Variants in KCNS1 observed in about 807,000 individuals in gnomAD.
KCNS1 encodes potassium voltage-gated channel modifier subfamily S member 1.
In KCNS1, 26 loss-of-function variants were observed where a neutral mutation model predicts 33.1. The ratio of observed to expected loss-of-function variants is 0.79; its 90% confidence interval spans 0.58 to 1.09. The LOEUF (loss-of-function observed/expected upper bound fraction) is 1.09, where lower values mean the gene tolerates loss of function less well. Among genes scored for constraint, KCNS1 ranks in the 50% least tolerant of loss-of-function variants. The pLI, the probability that KCNS1 is intolerant of heterozygous loss-of-function variation, is 0.00. For synonymous variants in KCNS1, 299 were observed against 338.8 expected (o/e 0.88, Z 1.29); for missense variants, 702 against 752.4 (o/e 0.93, Z 0.78).
intron 1 of KCNS1, 114 bp downstream of exon 1, chr20:45,100,806 TG>T (rs34564002): frequency 2.0e-5 from 3 of 153,246 alleles, no homozygotes; most frequent in Non-Finnish European, 4.3e-5. Flanking sequence ...TGGCGGGGGG[TG>T]GGGGGTCTCT....
Position 45,095,271 on chromosome 20 carries a change from C to T in KCNS1, c.1180G>A (p.Ala394Thr), listed in dbSNP as rs1981148613. The change falls in exon 4 of 4, where the codon GCC (alanine) becomes ACC (threonine). Residue 394 changes from alanine to threonine, a missense_variant. Physicochemically the swap from Ala to Thr is moderately conservative, Grantham distance 58 (BLOSUM62 0). Transcript: ENST00000537075. ...AVGVSVFSGV[A>T]YTAEKEEDVG... is the part of the protein sequence containing the mutation. ...TCCTCCTCCTTTTCAGCTGTGTAGG[C>T]CACACCAGAGAACACTGACACACCC... 1.2e-6 allele frequency: 2 copies of T among 1,613,914 alleles called. No individual in the cohort carries two copies. The highest frequency in any genetic ancestry group is 1.3e-5 in the African/African-American group (1 of 74,890).
intron 3 of KCNS1, 41 bp downstream of exon 3, chr20:45,097,621 A>C (rs1269149413): frequency 6.4e-7 from 1 of 1,551,586 alleles, no homozygotes; most frequent in Non-Finnish European, 8.7e-7. Context: ...GGATGGCTAC[A>C]CCCGCCCACC....
chr20:45,097,735 A>G lies in KCNS1; in HGVS notation c.1037T>C (p.Leu346Pro), dbSNP rs1303444678. The stretch of plus-strand genomic sequence containing the variant: ...CTTGAGTACGCGGAAGATGCGCATG[A>G]GGCGGAACACCTGCACCACCTTGCC... ...HLGKVVQVFR[L>P]MRIFRVLKLA... The change falls in exon 3 of 4, where the codon CTC (leucine) becomes CCC (proline). Residue 346 changes from leucine to proline, a missense_variant. By Grantham distance (98) the Leu-to-Pro change is moderately conservative. This residue lies in a region of KCNS1 where 253 missense variants were observed against 327.4 expected (regional missense o/e 0.77). Coordinates refer to ENST00000537075, the MANE Select transcript of KCNS1 (RefSeq NM_001322799.2). The G allele has an allele frequency of 6.2e-7, 1 of 1,612,574 alleles. No homozygotes were observed. Among genetic ancestry groups the G allele is most frequent in the Non-Finnish European group, 8.5e-7 (1 of 1,179,964 alleles).
rs1981084264 is a variant in KCNS1, at chr20:45,093,888, C to G, written c.*982G>C. The G allele has an allele frequency of 6.6e-6, 1 of 152,194 alleles. No individual in the cohort carries two copies. Among genetic ancestry groups the G allele is most frequent in the Non-Finnish European group, 1.5e-5 (1 of 68,064 alleles). The allele number at this position is 152,194 out of a possible 1,614,324, so 9.4% of individuals were successfully genotyped here. ...GCCCTCTGAACATTTCAGAGCTGAG[C>G]TGGCTTTAAGTTAGAGACCCCTCTG... On this transcript the variant is annotated 3_prime_UTR_variant, in exon 4 of 4. Coordinates refer to ENST00000537075, the MANE Select transcript of KCNS1 (RefSeq NM_001322799.2).
chr20:45,095,384 CAGTCCTGGTATT>C lies in KCNS1; in HGVS notation c.1111-56_1111-45del, dbSNP rs779284729. 15 of 1,544,984 alleles carry C rather than the reference CAGTCCTGGTATT, an allele frequency of 9.7e-6. No individual in the cohort carries two copies. In the African/African-American group the frequency reaches 1.9e-4, roughly 20 times the overall value. On this transcript the variant is annotated intron_variant, in intron 3 of 3. Coordinates refer to ENST00000537075, the MANE Select transcript of KCNS1 (RefSeq NM_001322799.2). ...AGCCAAGTCAGAGTGGATGGGCTTACAGTCCTGGTATTAGGCATATGGGGAAACTGAGGCCCA... is the reference window on the plus strand; with the variant it reads ...AGCCAAGTCAGAGTGGATGGGCTTACAGGCATATGGGGAAACTGAGGCCCA...
intron 3 of KCNS1, among the ~76,000 whole-genome samples, chr20:45,096,091 A>G (rs1254958432): frequency 6.6e-6 from 1 of 152,198 alleles, no homozygotes; most frequent in Non-Finnish European, 1.5e-5. Flanking sequence ...GAGAACCCCT[A>G]GTCTAAAGCA....
Position 45,097,644 on chromosome 20 carries a change from T to C in KCNS1, c.1110+18A>G, listed in dbSNP as rs1600600483. On this transcript the variant is annotated intron_variant, in intron 3 of 3. Transcript: ENST00000537075. Reference sequence around the variant, plus strand: ...ACACCCGCCCACCCCAGCTCCAACCTGGCCTCAGAGGCCGTACCTTGAGCG... The same window carrying C: ...ACACCCGCCCACCCCAGCTCCAACCCGGCCTCAGAGGCCGTACCTTGAGCG... The C allele has an allele frequency of 6.3e-7, 1 of 1,589,774 alleles. No homozygotes were observed. Among genetic ancestry groups the C allele is most frequent in the Non-Finnish European group, 8.5e-7 (1 of 1,172,498 alleles).
At chr20:45,099,118 T>G (rs746602021) in intron 2 of KCNS1, 43 bp downstream of exon 2, 5 of 1,548,572 alleles carry the variant, frequency 3.2e-6, no homozygotes, top group Middle Eastern at 2.0e-4. Context: ...CCGCCAGCCC[T>G]CTGAACCTGT....
rs1981315993 is a variant in KCNS1 at position 45,099,166 on chromosome 20, A to G, written c.71T>C (p.Leu24Pro). 6.4e-7 allele frequency: 1 copy of G among 1,551,304 alleles called. No individual in the cohort carries two copies. Among genetic ancestry groups the G allele is most frequent in the East Asian group, 2.4e-5 (1 of 40,916 alleles). ...ATGAGGATAGTAACACTTACCTCCTAGGGGTGTTGGCAGCACCACTTTAGA... is the reference window on the plus strand; with the variant it reads ...ATGAGGATAGTAACACTTACCTCCTGGGGGTGTTGGCAGCACCACTTTAGA... ...LRSKVVLPTP[L>P]GGRSTETFVS... Residue 24 changes from leucine (L) to proline (P), a missense_variant, in exon 2 of 4, where the codon CTA becomes CCA. Physicochemically the swap from Leu to Pro is moderately conservative, Grantham distance 98. Transcript: ENST00000537075.
rs979119191 is a variant in KCNS1, at chr20:45,098,074, G to C, written c.698C>G (p.Ser233Cys). 1 of 1,556,654 alleles carries C rather than the reference G, an allele frequency of 6.4e-7. No homozygotes were observed. The highest frequency in any genetic ancestry group is 1.4e-5 in the African/African-American group (1 of 72,718). The change falls in exon 3 of 4, where the codon TCC (serine) becomes TGC (cysteine). Residue 233 changes from serine (S) to cysteine (C), a missense_variant. Ser to Cys is a moderately radical substitution (Grantham distance 112, BLOSUM62 -1). Coordinates refer to ENST00000537075, the MANE Select transcript of KCNS1 (RefSeq NM_001322799.2). This position sits in a 1 kb window ranked among gnomAD's most constrained non-coding sequence, Gnocchi z 5.2. ...SCVSISVVLA[S>C]IAAMCIHSLP... ...GCTGTGGATGCACATGGCGGCGATG[G>C]AGGCGAGCACCACGCTGATGGAGAC...
chr20:45,097,037 C>T (rs551516677), intron 3 of KCNS1, among the ~76,000 whole-genome samples: 1 of 152,372 alleles, frequency 6.6e-6, no homozygotes, highest in Non-Finnish European at 1.5e-5. Context: ...GCACCTGGCA[C>T]AAGGAGGATG....
rs1211122785 is a variant in KCNS1, at chr20:45,093,811, C to T, written c.*1059G>A. On this transcript the variant is annotated 3_prime_UTR_variant, in exon 4 of 4. Coordinates refer to ENST00000537075, the MANE Select transcript of KCNS1 (RefSeq NM_001322799.2). ...TGTGTGATGGGCAGAAAGGAACTGC[C>T]AAGGTCAGACTGTTGGGGGAGGGTC... 1 of 152,452 alleles carries T rather than the reference C, an allele frequency of 6.6e-6. No homozygotes were observed. The highest frequency in any genetic ancestry group is 1.5e-5 in the Non-Finnish European group (1 of 68,256). The allele number at this position is 152,452 out of a possible 1,614,324, so 9.4% of individuals were successfully genotyped here.
rs1045781945 is a variant in KCNS1 at position 45,093,179 on chromosome 20, A to G, written c.*1691T>C. The G allele has an allele frequency of 2.6e-5, 4 of 152,134 alleles. No homozygotes were observed. Among genetic ancestry groups the G allele is most frequent in the Admixed American group, 6.5e-5 (1 of 15,276 alleles). The allele number at this position is 152,134 out of a possible 1,614,324, so 9.4% of individuals were successfully genotyped here. ...CAGATTCTTAAAATATAATAAAAAC[A>G]CTGTTGGACTAAGCCGAAACATGAC... On this transcript the variant is annotated 3_prime_UTR_variant, in exon 4 of 4. Transcript: ENST00000537075.
rs1309580953 is a variant in KCNS1 at position 45,097,770 on chromosome 20, G to A, written c.1002C>T (p.Phe334=). ...CCTGCACCACCTTGCCCAGGTGGCC[G>A]AACTCCTTGCCGCCCTGGTCGCCCA... is the stretch of plus-strand genomic sequence containing the variant. ...VALGDQGGKE[F]GHLGKVVQVF... is the part of the protein sequence containing the mutation. The change falls in exon 3 of 4, where the codon TTC becomes TTT. Residue 334 remains phenylalanine, a synonymous_variant. Transcript: ENST00000537075. The A allele has an allele frequency of 1.9e-6, 3 of 1,613,110 alleles. No homozygotes were observed. The highest frequency in any genetic ancestry group is 2.2e-5 in the East Asian group (1 of 44,894).
rs1045239162 is a variant in KCNS1, at chr20:45,098,257, T to A, written c.515A>T (p.Asp172Val). Reference protein sequence around the residue: ...TQPHAWDEDSDTPSSVDPCPD... With the variant: ...TQPHAWDEDSVTPSSVDPCPD... Reference sequence around the variant, plus strand: ...GCACGGGTCCACGCTGCTCGGCGTGTCGCTGTCCTCGTCCCAGGCGTGCGG... The same window carrying A: ...GCACGGGTCCACGCTGCTCGGCGTGACGCTGTCCTCGTCCCAGGCGTGCGG... The change falls in exon 3 of 4, where the codon GAC becomes GTC. Residue 172 changes from aspartate to valine, a missense_variant. Asp to Val is a radical substitution (Grantham distance 152, BLOSUM62 -3). Coordinates refer to ENST00000537075, the MANE Select transcript of KCNS1 (RefSeq NM_001322799.2). The surrounding 1 kb of genome is among the most constrained non-coding windows in gnomAD (Gnocchi z 5.2). 6 of 1,595,618 alleles carry A rather than the reference T, an allele frequency of 3.8e-6. No homozygotes were observed. Among genetic ancestry groups the A allele is most frequent in the Non-Finnish European group, 5.1e-6 (6 of 1,173,168 alleles).
rs554692336 is a variant in KCNS1, at chr20:45,097,675, C to T, written c.1097G>A (p.Gly366Glu). 3.1e-6 allele frequency: 5 copies of T among 1,605,446 alleles called. No individual in the cohort carries two copies. In the East Asian group the frequency reaches 1.1e-4, roughly 36 times the overall value. The change falls in exon 3 of 4, where the codon GGA becomes GAA. Residue 366 changes from glycine (G) to glutamate (E), a missense_variant. Physicochemically the swap from Gly to Glu is moderately conservative, Grantham distance 98. Transcript: ENST00000537075. ...ARHSTGLRSL[G>E]ATLKHSYREV... ...CAGAGGCCGTACCTTGAGCGTGGCT[C>T]CCAGCGAGCGCAGCCCGGTGGAATG...
chr20:45,094,831 T>C lies in KCNS1; in HGVS notation c.*39A>G. ...AGAACTTTAGCAGGGGAGGAATCTC[T>C]ACTGTAGGGGCATGGCAGGGGGTCA... On this transcript the variant is annotated 3_prime_UTR_variant, in exon 4 of 4. Coordinates refer to ENST00000537075, the MANE Select transcript of KCNS1 (RefSeq NM_001322799.2). 1 of 1,508,658 alleles carries C rather than the reference T, an allele frequency of 6.6e-7. No homozygotes were observed. Among genetic ancestry groups the C allele is most frequent in the Non-Finnish European group, 9.1e-7 (1 of 1,102,768 alleles). 93.5% of individuals were successfully genotyped at this position (1,508,658 alleles called of 1,614,324 possible).
rs1340527118 is a variant in KCNS1 at position 45,092,135 on chromosome 20, CTG to C, written c.*2733_*2734del. 6.6e-6 allele frequency among the ~76,000 whole-genome samples: 1 copy of C among 152,154 alleles called. No homozygotes were observed. The highest frequency in any genetic ancestry group is 6.5e-5 in the Admixed American group (1 of 15,274). ...CCCTTTTTGACCAAGTTTGTTCCAA[CTG>C]AATTCCTGTCACTTGCAACCTGTTC... On this transcript the variant is annotated 3_prime_UTR_variant, in exon 4 of 4. Coordinates refer to ENST00000537075, the MANE Select transcript of KCNS1 (RefSeq NM_001322799.2).
chr20:45,096,546 G>A lies in KCNS1; in HGVS notation c.1110+1116C>T, dbSNP rs182026475. Among the ~76,000 whole-genome samples, 11 of 152,312 alleles carry A rather than the reference G, an allele frequency of 7.2e-5. No homozygotes were observed. The East Asian group carries it at 2.1e-3, about 29-fold the overall frequency. ...CATACAAGAGGCTTTACTAAGCCATGGGTGGAAGGGATCTTTCTTTTAGCA... is the reference window on the plus strand; with the variant it reads ...CATACAAGAGGCTTTACTAAGCCATAGGTGGAAGGGATCTTTCTTTTAGCA... On this transcript the variant is annotated intron_variant, in intron 3 of 3. Coordinates refer to ENST00000537075, the MANE Select transcript of KCNS1 (RefSeq NM_001322799.2).
Sources: gnomAD v4.1 joint callset for allele counts (sites outside exome capture counted in the v4.1 genomes callset) on GRCh38, gnomAD v4.1.1 for gene constraint, gnomAD v4.1.1 regional missense constraint, Gnocchi (gnomAD v3.1) non-coding constraint, MANE v1.5 for transcripts, NCBI Gene and HGNC (gene_info 2026-07-23, HGNC 2026-07-21) for gene names.